The following IRAG1 variants were observed in gnomAD, a reference collection of about 807,000 sequenced individuals.
IRAG1 encodes IP3R-associated cGMP kinase substrate.
Under a neutral mutation model 106.2 loss-of-function variants are expected in IRAG1, and 62 were observed. The observed-to-expected ratio is 0.58, with a 90% CI of 0.48 to 0.72. The LOEUF (loss-of-function observed/expected upper bound fraction) is 0.72. IRAG1 is among the 30% of genes least tolerant of loss of function. IRAG1 has a pLI of 0.00. For synonymous variants in IRAG1, 462 were observed against 443.9 expected (o/e 1.04, Z -0.51); for missense variants, 1,064 against 1,140.7 (o/e 0.93, Z 0.97).
intron 1 of IRAG1, chr11:10,690,450 G>T: frequency 7.9e-7 from 1 of 1,269,148 alleles, no homozygotes; most frequent in East Asian, 5.6e-5. Context: ...TTGCAGAGAA[G>T]GCAGGGCTTG....
At chr11:10,676,124 G>A (rs1410555363) in intron 1 of IRAG1, among the ~76,000 whole-genome samples, 1 of 152,242 alleles carries the variant, frequency 6.6e-6, no homozygotes, top group Admixed American at 6.5e-5. Flanking sequence ...GTTCTTAGCT[G>A]TGATGCTCGT....
chr11:10,640,206 G>T (rs139161645), intron 2 of IRAG1, among the ~76,000 whole-genome samples: 2 of 152,318 alleles, frequency 1.3e-5, no homozygotes, highest in East Asian at 3.9e-4. Context: ...AAGCTCTCCT[G>T]ACTGTAGGCA....
intron 2 of IRAG1, among the ~76,000 whole-genome samples, chr11:10,635,281 A>G (rs1031577359): frequency 9.9e-5 from 15 of 151,626 alleles, no homozygotes; most frequent in Non-Finnish European, 1.5e-4. Context: ...CCTCCTTCCC[A>G]CCCCCTTGAC....
chr11:10,623,322 G>A (rs1177400516), intron 10 of IRAG1, among the ~76,000 whole-genome samples: 1 of 152,344 alleles, frequency 6.6e-6, no homozygotes, highest in African/African-American at 2.4e-5. Flanking sequence ...CCCCGCCATG[G>A]TTCTGGCAGA....
chr11:10,601,379 G>A (rs1399680222), intron 14 of IRAG1, among the ~76,000 whole-genome samples: 2 of 152,190 alleles, frequency 1.3e-5, no homozygotes, highest in African/African-American at 4.8e-5. Context: ...CAGCATCTGG[G>A]CCCATAGACA....
rs113011782 is a variant in IRAG1 at position 10,662,086 on chromosome 11, C to T, written c.68-9904G>A. 1.1e-3 allele frequency among the ~76,000 whole-genome samples: 174 copies of T among 152,260 alleles called. 1 individual carries two copies. The highest frequency in any genetic ancestry group is 4.1e-3 in the African/African-American group (169 of 41,552). ...GTTTATTGAGTTAATAAATGAATGA[C>T]ACCGTATTTCTAAAAAGCAGAGAAG... On this transcript the variant is annotated intron_variant, in intron 1 of 20. Transcript: ENST00000423302.
Position 10,575,825 on chromosome 11 carries a change from A to C in IRAG1, c.*507T>G, listed in dbSNP as rs552063864. ...TCCAAAGGAAAGAATGGGAGGCTGA[A>C]GTTATTGAAAATGAGATGGGAAATG... On this transcript the variant is annotated 3_prime_UTR_variant, in exon 21 of 21. Transcript: ENST00000423302. 1 of 154,856 alleles carries C rather than the reference A, an allele frequency of 6.5e-6. No individual in the cohort carries two copies. The highest frequency in any genetic ancestry group is 1.9e-4 in the East Asian group (1 of 5,274). 9.6% of individuals were successfully genotyped at this position (154,856 alleles called of 1,614,324 possible). A position where few individuals can be genotyped will look rare whatever the true frequency, so the allele number is the denominator to read the frequency against.
At chr11:10,595,837 T>C (rs1853243148) in intron 15 of IRAG1, 2 of 152,198 alleles carry the variant, frequency 1.3e-5, no homozygotes, top group African/African-American at 4.8e-5. Flanking sequence ...TCTGCTCCTC[T>C]CCCTCCTCCT....
chr11:10,634,993 C>T (rs1225761879), intron 2 of IRAG1, among the ~76,000 whole-genome samples: 4 of 152,112 alleles, frequency 2.6e-5, no homozygotes, highest in Non-Finnish European at 4.4e-5. Context: ...ACTATTCATG[C>T]ACTAAGATTA....
chr11:10,600,935 C>A lies in IRAG1; in HGVS notation c.2000G>T (p.Arg667Leu). 1 of 1,614,068 alleles carries A rather than the reference C, an allele frequency of 6.2e-7. No individual in the cohort carries two copies. Residue 667 changes from arginine (R) to leucine (L), a missense_variant, in exon 15 of 21, where the codon CGC becomes CTC. By Grantham distance (102) the Arg-to-Leu change is moderately radical (BLOSUM62 -2). Transcript: ENST00000423302. ...FKKLANQNSSRSCGPSEDGVP... is the reference protein window; with the variant it reads ...FKKLANQNSSLSCGPSEDGVP... ...GTCCTTACCAGAGGGGCCACAGCTG[C>A]GGCTTGAATTCTGATTTGCAAGCTT...
chr11:10,576,303 A>C lies in IRAG1; in HGVS notation c.*29T>G. On this transcript the variant is annotated 3_prime_UTR_variant, in exon 21 of 21. Coordinates refer to ENST00000423302, the MANE Select transcript of IRAG1 (RefSeq NM_130385.4). ...AAGGGTGGTAGTCTGAGTGTCTCAGAGCAGGGCACTGGCTAGGTGTGAGGT... is the reference window on the plus strand; with the variant it reads ...AAGGGTGGTAGTCTGAGTGTCTCAGCGCAGGGCACTGGCTAGGTGTGAGGT... 2.5e-6 allele frequency: 4 copies of C among 1,611,970 alleles called. No individual in the cohort carries two copies. The highest frequency in any genetic ancestry group is 3.4e-6 in the Non-Finnish European group (4 of 1,179,190).
intron 16 of IRAG1, 127 bp downstream of exon 16, chr11:10,594,019 C>T (rs952596155): frequency 7.7e-6 from 7 of 906,842 alleles, no homozygotes; most frequent in Admixed American, 2.6e-5. Context: ...TGTGGAAAGC[C>T]GAATAGAAAC....
At chr11:10,651,369 C>A (rs1025924492) in intron 2 of IRAG1, among the ~76,000 whole-genome samples, 1 of 152,140 alleles carries the variant, frequency 6.6e-6, no homozygotes, top group Non-Finnish European at 1.5e-5. Flanking sequence ...ATGTGAAGAG[C>A]GAGTTACTAT....
At chr11:10,648,249 G>A (rs986280640) in intron 2 of IRAG1, among the ~76,000 whole-genome samples, 4 of 152,070 alleles carry the variant, frequency 2.6e-5, no homozygotes, top group African/African-American at 7.2e-5. Flanking sequence ...CTGTAGTCCC[G>A]GCTATTCGGG....
intron 1 of IRAG1, among the ~76,000 whole-genome samples, chr11:10,653,943 A>C (rs1858726464): frequency 6.6e-6 from 1 of 152,200 alleles, no homozygotes. Flanking sequence ...TCCACTGCAC[A>C]GTAGATTAAG....
rs1589995990 is a variant in IRAG1 at position 10,693,734 on chromosome 11, G to T, written c.-132C>A. On this transcript the variant is annotated 5_prime_UTR_variant, in exon 1 of 21. Transcript: ENST00000423302. ...GAGCTCCTCTGGGAGCCCCACTCCGGCCTGGCTCGGGGGATAATGGCAGGG... is the reference window on the plus strand; with the variant it reads ...GAGCTCCTCTGGGAGCCCCACTCCGTCCTGGCTCGGGGGATAATGGCAGGG... 1.9e-5 allele frequency: 21 copies of T among 1,083,688 alleles called. No individual in the cohort carries two copies. Among genetic ancestry groups the T allele is most frequent in the South Asian group, 1.4e-4 (9 of 66,424 alleles). The allele number at this position is 1,083,688 out of a possible 1,614,324, so 67.1% of individuals were successfully genotyped here.
chr11:10,666,697 A>C (rs375895538), intron 1 of IRAG1, among the ~76,000 whole-genome samples: 1 of 152,260 alleles, frequency 6.6e-6, no homozygotes, highest in East Asian at 1.9e-4. Context: ...ATTCTCGTGA[A>C]GTATTTTCTT....
Position 10,665,948 on chromosome 11 carries a change from T to A in IRAG1, c.68-13766A>T, listed in dbSNP as rs1859753715. 6.6e-6 allele frequency among the ~76,000 whole-genome samples: 1 copy of A among 152,104 alleles called. No homozygotes were observed. Among genetic ancestry groups the A allele is most frequent in the Admixed American group, 6.5e-5 (1 of 15,282 alleles). On this transcript the variant is annotated intron_variant, in intron 1 of 20. Coordinates refer to ENST00000423302, the MANE Select transcript of IRAG1 (RefSeq NM_130385.4). This position sits in a 1 kb window ranked among gnomAD's most constrained non-coding sequence, Gnocchi z 4.2. The stretch of plus-strand genomic sequence containing the variant: ...GAACAGGTTATGGTGAACAGTGATA[T>A]GCAATGGCAGGGGTGGGTGGAAGCC...
chr11:10,619,385 C>T (rs1247414057), intron 10 of IRAG1, among the ~76,000 whole-genome samples: 1 of 152,156 alleles, frequency 6.6e-6, no homozygotes, highest in Non-Finnish European at 1.5e-5. Flanking sequence ...ATATGCAGGG[C>T]TGTATTTAGT....
Sources: gnomAD v4.1 joint callset for allele counts (sites outside exome capture counted in the v4.1 genomes callset) on GRCh38, gnomAD v4.1.1 for gene constraint, Gnocchi (gnomAD v3.1) non-coding constraint, MANE v1.5 for transcripts, NCBI Gene and HGNC (gene_info 2026-07-23, HGNC 2026-07-21) for gene names.